Variants in CAT observed in about 807,000 individuals in gnomAD.
CAT encodes epididymis secretory sperm binding protein.
Under a neutral mutation model 59.0 loss-of-function variants are expected in CAT, and 43 were observed. The observed-to-expected ratio is 0.73, with a 90% CI of 0.57 to 0.94. The LOEUF is 0.94. Ranked by LOEUF, CAT falls within the 40% of genes least tolerant of loss-of-function variation. The pLI is 0.00. For synonymous variants in CAT, 218 were observed against 230.9 expected (o/e 0.94, Z 0.51); for missense variants, 664 against 682.9 (o/e 0.97, Z 0.31).
chr11:34,461,278 C>CA lies in CAT; in HGVS notation c.1085dup (p.His362GlnfsTer28). 4 of 1,614,228 alleles carry CA rather than the reference C, an allele frequency of 2.5e-6. No individual in the cohort carries two copies. Among genetic ancestry groups the CA allele is most frequent in the Non-Finnish European group, 3.4e-6 (4 of 1,180,032 alleles). On this transcript the variant is annotated frameshift_variant, in exon 9 of 13. Coordinates refer to ENST00000241052, the MANE Select transcript of CAT (RefSeq NM_001752.4). LOFTEE classifies it high-confidence loss of function. ...CCGCCTTTTTGCCTATCCTGACACT[C>CA]ACCGCCATCGCCTGGGACCCAATTA...
chr11:34,466,819 G>A (rs1206943596), intron 10 of CAT, among the ~76,000 whole-genome samples: 5 of 149,486 alleles, frequency 3.3e-5, no homozygotes, highest in Non-Finnish European at 7.4e-5. Flanking sequence ...ATAGATGACT[G>A]CTTGAAGAAT....
Position 34,464,226 on chromosome 11 carries a change from C to T in CAT, c.1317C>T (p.Asn439=), listed in dbSNP as rs145759100. 1.0e-3 allele frequency: 1,672 copies of T among 1,613,908 alleles called. 3 individuals carry two copies. Among genetic ancestry groups the T allele is most frequent in the Non-Finnish European group, 1.3e-3 (1,545 of 1,179,910 alleles). The change falls in exon 10 of 13, where the codon AAC becomes AAT. Residue 439 remains asparagine, a synonymous_variant. Transcript: ENST00000241052. ...VRRFNTANDD[N]VTQVRAFYVN... ...GATTCAACACTGCCAATGATGATAA[C>T]GTTACTCAGGTAATGACTTCTCTTT...
In CAT at chr11:34,456,038, G is replaced by A; in HGVS notation, c.739G>A (p.Val247Ile). The change falls in exon 7 of 13, where the codon GTT becomes ATT. Residue 247 changes from valine to isoleucine, a missense_variant. Val to Ile is a conservative substitution (Grantham distance 29). Transcript: ENST00000241052. ...TGACCAGGGCATCAAAAACCTTTCT[G>A]TTGAAGATGCGGCGAGACTTTCCCA... ...KTDQGIKNLS[V>I]EDAARLSQED... 6.2e-7 allele frequency: 1 copy of A among 1,614,076 alleles called. No individual in the cohort carries two copies. The highest frequency in any genetic ancestry group is 8.5e-7 in the Non-Finnish European group (1 of 1,180,024).
chr11:34,470,737 G>C (rs1177327530), intron 11 of CAT: 4 of 590,088 alleles, frequency 6.8e-6, no homozygotes, highest in African/African-American at 1.8e-5. Flanking sequence ...AGCTCAGTAA[G>C]TTAAGTGACC....
intron 6 of CAT, among the ~76,000 whole-genome samples, chr11:34,455,680 C>T (rs1856580018): frequency 6.6e-6 from 1 of 152,030 alleles, no homozygotes; most frequent in South Asian, 2.1e-4. Flanking sequence ...AATCTTTTGC[C>T]TACTTTTAAG....
intron 1 of CAT, among the ~76,000 whole-genome samples, chr11:34,446,060 C>A (rs1249274450): frequency 6.6e-6 from 1 of 152,114 alleles, no homozygotes; most frequent in Non-Finnish European, 1.5e-5. Context: ...ATCTTAAATA[C>A]ACCGCATCCT....
intron 5 of CAT, among the ~76,000 whole-genome samples, chr11:34,453,537 A>G (rs1195178333): frequency 6.6e-6 from 1 of 152,232 alleles, no homozygotes; most frequent in Non-Finnish European, 1.5e-5. Flanking sequence ...TGAATAACAA[A>G]TTAGGCCAGT....
intron 6 of CAT, among the ~76,000 whole-genome samples, 188 bp from the exon 7 acceptor site, chr11:34,455,823 T>C (rs1015330408): frequency 1.3e-5 from 2 of 151,520 alleles, no homozygotes; most frequent in Non-Finnish European, 2.9e-5. Context: ...TTTAAAAGTA[T>C]TGGGATAATC....
intron 8 of CAT, among the ~76,000 whole-genome samples, chr11:34,460,383 G>T (rs998423228): frequency 1.3e-5 from 2 of 150,166 alleles, no homozygotes; most frequent in East Asian, 3.9e-4. Flanking sequence ...TTTATATCTA[G>T]AAAGTCTCAG....
chr11:34,463,696 C>G (rs565584564), intron 9 of CAT, among the ~76,000 whole-genome samples: 4 of 152,298 alleles, frequency 2.6e-5, no homozygotes, highest in African/African-American at 9.6e-5. Context: ...GAATTGAGCC[C>G]AAGTCCAAAT....
In CAT at chr11:34,456,110, A is replaced by G. The variant is rs568790817; in HGVS notation, c.811A>G (p.Thr271Ala). The G allele has an allele frequency of 1.2e-6, 2 of 1,613,930 alleles. No individual in the cohort carries two copies. Among genetic ancestry groups the G allele is most frequent in the Non-Finnish European group, 8.5e-7 (1 of 1,179,950 alleles). ...GIRDLFNAIA[T>A]GKYPSWTFYI... ...CCGGGATCTTTTTAACGCCATTGCC[A>G]CAGGAAAGTACCCCTCCTGGACTTT... Residue 271 changes from threonine to alanine, a missense_variant, in exon 7 of 13, where the codon ACA becomes GCA. Thr to Ala is a moderately conservative substitution (Grantham distance 58). Transcript: ENST00000241052.
chr11:34,461,485 C>A, intron 9 of CAT, 96 bp downstream of exon 9: 1 of 1,427,928 alleles, frequency 7.0e-7, no homozygotes. Flanking sequence ...GCTGGCCCCG[C>A]AGGACCTCCT....
At chr11:34,448,110 C>G (rs1471852069) in intron 1 of CAT, among the ~76,000 whole-genome samples, 4 of 152,194 alleles carry the variant, frequency 2.6e-5, no homozygotes, top group Non-Finnish European at 5.9e-5. Context: ...TTGTAAGTGC[C>G]TACTCCCCAC....
At chr11:34,470,495 TG>T (rs1336323608) in intron 11 of CAT, among the ~76,000 whole-genome samples, 1 of 152,076 alleles carries the variant, frequency 6.6e-6, no homozygotes, top group African/African-American at 2.4e-5. Context: ...CCTGGAGGTT[TG>T]GGGGTGGGGC....
At chr11:34,445,495 C>CAAAAAAAAAAAAAAA (rs58169234) in intron 1 of CAT, among the ~76,000 whole-genome samples, 9 of 36,346 alleles carry the variant, frequency 2.5e-4, no homozygotes, top group African/African-American at 7.4e-4. Flanking sequence ...GACTCCATCT[C>CAAAAAAAAAAAAAAA]AAAAAAAAAA....
chr11:34,468,533 A>C, intron 11 of CAT, 138 bp downstream of exon 11: 1 of 681,122 alleles, frequency 1.5e-6, no homozygotes, highest in Non-Finnish European at 2.6e-6. Context: ...ATAAACTAGT[A>C]ATCCCCAACC....
intron 4 of CAT, 28 bp from the exon 5 acceptor site, chr11:34,453,062 G>T (rs750995277): frequency 1.7e-5 from 25 of 1,446,374 alleles, no homozygotes; most frequent in Admixed American, 1.0e-4. Flanking sequence ...TTAGTTTTTG[G>T]ATTTTTTTCT....
At chr11:34,470,165 A>T (rs1856759051) in intron 11 of CAT, among the ~76,000 whole-genome samples, 1 of 152,152 alleles carries the variant, frequency 6.6e-6, no homozygotes, top group Non-Finnish European at 1.5e-5. Context: ...TCTGACTGCA[A>T]ATCAAACCCT....
At chr11:34,456,602 G>C in intron 7 of CAT, 63 bp from the exon 8 acceptor site, 1 of 1,451,982 alleles carries the variant, frequency 6.9e-7, no homozygotes, top group Non-Finnish European at 9.7e-7. Context: ...TGGTATTTTT[G>C]TGGGTAGCTT....
Sources: allele counts gnomAD v4.1 joint callset (sites outside exome capture counted in the v4.1 genomes callset), GRCh38; gene constraint gnomAD v4.1.1; transcripts MANE v1.5; gene names NCBI Gene and HGNC (gene_info 2026-07-23, HGNC 2026-07-21).